The following FMN2 variants were observed in gnomAD, a reference collection of about 807,000 sequenced individuals.
The protein encoded by FMN2 is formin-2.
In FMN2, 51 loss-of-function variants were observed where a neutral mutation model predicts 142.3. That is an observed-to-expected ratio of 0.36 (90% CI 0.29 to 0.45). The LOEUF (loss-of-function observed/expected upper bound fraction) is 0.45, where lower values mean the gene tolerates loss of function less well. FMN2 is among the 20% of genes least tolerant of loss of function. The probability of loss-of-function intolerance (pLI) is 1.00; values close to 1 mark genes in which losing one functional copy is unlikely to be tolerated. For synonymous variants in FMN2, 882 were observed against 869.8 expected (o/e 1.01, Z -0.25); for missense variants, 1,936 against 2,122.8 (o/e 0.91, Z 1.73).
chr1:240,170,944 G>T, intron 2 of FMN2: 1 of 788,734 alleles, frequency 1.3e-6, no homozygotes, highest in Non-Finnish European at 2.3e-6. Context: ...TGAGCGGACT[G>T]ATGGAGGAGT....
intron 1 of FMN2, 144 bp downstream of exon 1, chr1:240,093,868 A>C (rs923940693): frequency 2.3e-5 from 12 of 520,898 alleles, no homozygotes; most frequent in Non-Finnish European, 3.3e-5. Context: ...TTTTCCGCCC[A>C]GCGAGCTCAC....
chr1:240,336,910 T>A (rs1392361234), intron 13 of FMN2, among the ~76,000 whole-genome samples: 1 of 152,078 alleles, frequency 6.6e-6, no homozygotes, highest in Non-Finnish European at 1.5e-5. Context: ...AATTTGGGGT[T>A]TTCCATGAAA....
chr1:240,407,012 C>T (rs928353115), intron 15 of FMN2, among the ~76,000 whole-genome samples: 6 of 152,110 alleles, frequency 3.9e-5, no homozygotes, highest in Non-Finnish European at 7.4e-5. Flanking sequence ...TTGTCTACTC[C>T]GGCATGCATC....
intron 13 of FMN2, chr1:240,341,537 A>G (rs1310013562): frequency 6.6e-6 from 1 of 152,188 alleles, no homozygotes; most frequent in Non-Finnish European, 1.5e-5. Flanking sequence ...TTTGTAAATA[A>G]AATTCAGTTG....
rs1668416399 is a variant in FMN2 at position 240,255,317 on chromosome 1, C to T, written c.4066-2628C>T. On this transcript the variant is annotated intron_variant, in intron 6 of 17. Coordinates refer to ENST00000319653, the MANE Select transcript of FMN2 (RefSeq NM_020066.5). ...TTTCAGTTCTTGTTTGTGGAGGAGG[C>T]GAGTACCAGGTGCCTCTAGTCAGCC... is the stretch of plus-strand genomic sequence containing the variant. Among the ~76,000 whole-genome samples, 2 of 152,048 alleles carry T rather than the reference C, an allele frequency of 1.3e-5. 1 individual carries two copies. The highest frequency in any genetic ancestry group is 1.3e-4 in the Admixed American group (2 of 15,270).
intron 6 of FMN2, among the ~76,000 whole-genome samples, chr1:240,226,460 G>A (rs1667303566): frequency 6.6e-6 from 1 of 152,156 alleles, no homozygotes; most frequent in Non-Finnish European, 1.5e-5. Context: ...GGAGACAAAA[G>A]ACAGACATTT....
chr1:240,407,725 G>A (rs1390801506), intron 15 of FMN2, among the ~76,000 whole-genome samples: 2 of 151,962 alleles, frequency 1.3e-5, no homozygotes, highest in Admixed American at 6.5e-5. Context: ...TATTTCAAAG[G>A]TCCAAGGTTT....
intron 2 of FMN2, among the ~76,000 whole-genome samples, chr1:240,150,405 A>G (rs1356538082): frequency 6.6e-6 from 1 of 152,238 alleles, no homozygotes; most frequent in Non-Finnish European, 1.5e-5. Context: ...TTAATTATGA[A>G]CAAGAAACAA....
Position 240,353,879 on chromosome 1 carries a change from A to G in FMN2, c.4766-1937A>G, listed in dbSNP as rs185134285. ...CTCATCCTGCTTGGAGACAAGTGGC[A>G]GGGAATGGAGAAAAGCAGGCCCTGT... On this transcript the variant is annotated intron_variant, in intron 13 of 17. Coordinates refer to ENST00000319653, the MANE Select transcript of FMN2 (RefSeq NM_020066.5). Among the ~76,000 whole-genome samples, 363 of 152,226 alleles carry G rather than the reference A, an allele frequency of 2.4e-3. 1 individual carries two copies. The highest frequency in any genetic ancestry group is 8.3e-3 in the African/African-American group (344 of 41,550).
At chr1:240,139,453 C>G (rs1331671239) in intron 2 of FMN2, among the ~76,000 whole-genome samples, 1 of 151,808 alleles carries the variant, frequency 6.6e-6, no homozygotes, top group South Asian at 2.1e-4. Context: ...GTAGATGATA[C>G]TTGAAGCCAT....
chr1:240,401,972 G>C (rs1425032461), intron 15 of FMN2, among the ~76,000 whole-genome samples: 1 of 152,202 alleles, frequency 6.6e-6, no homozygotes, highest in African/African-American at 2.4e-5. Context: ...CAGGGCTGTA[G>C]GAATATGGAG....
intron 2 of FMN2, among the ~76,000 whole-genome samples, chr1:240,126,335 T>C (rs1165040503): frequency 2.0e-5 from 3 of 152,008 alleles, no homozygotes; most frequent in Non-Finnish European, 4.4e-5. Context: ...GCTGTGGGAA[T>C]AATGTCATAA....
chr1:240,211,838 A>T (rs1402242935), intron 6 of FMN2, among the ~76,000 whole-genome samples: 1 of 152,130 alleles, frequency 6.6e-6, no homozygotes, highest in Non-Finnish European at 1.5e-5. Context: ...TTTCCAAGCA[A>T]TTTTTTTCTA....
At position 240,474,257 on chromosome 1, in the gene FMN2, T is replaced by C. The variant is rs1045646592; in HGVS notation, c.*103T>C. ...CTACCGTCATTCTGCTCATGTTTCT[T>C]CTTGACCTCTTGCATAATCTTTTTG... On this transcript the variant is annotated 3_prime_UTR_variant, in exon 18 of 18. Coordinates refer to ENST00000319653, the MANE Select transcript of FMN2 (RefSeq NM_020066.5). The C allele has an allele frequency of 9.6e-7, 1 of 1,038,714 alleles. No homozygotes were observed. Among genetic ancestry groups the C allele is most frequent in the Non-Finnish European group, 1.4e-6 (1 of 732,470 alleles). 64.3% of individuals were successfully genotyped at this position (1,038,714 alleles called of 1,614,324 possible). A position where few individuals can be genotyped will look rare whatever the true frequency, so the allele number is the denominator to read the frequency against.
intron 6 of FMN2, among the ~76,000 whole-genome samples, chr1:240,227,275 A>G (rs1420257697): frequency 1.3e-5 from 2 of 152,208 alleles, no homozygotes; most frequent in African/African-American, 4.8e-5. Flanking sequence ...TCTAGAAAGC[A>G]TTGTTGAAAG....
chr1:240,402,541 G>A (rs1674026726), intron 15 of FMN2, among the ~76,000 whole-genome samples: 1 of 152,260 alleles, frequency 6.6e-6, no homozygotes, highest in Non-Finnish European at 1.5e-5. Flanking sequence ...CACTGGGCAA[G>A]CCAAGCCATC....
intron 14 of FMN2, among the ~76,000 whole-genome samples, chr1:240,392,115 G>T (rs1256053227): frequency 2.1e-5 from 3 of 145,966 alleles, no homozygotes; most frequent in South Asian, 4.3e-4. Context: ...TCTGTTTAGG[G>T]TTTTTTTTTT....
rs561090753 is a variant in FMN2, at chr1:240,230,530, G to C, written c.4065+19295G>C. Among the ~76,000 whole-genome samples the C allele has an allele frequency of 1.5e-5, 2 of 131,916 alleles. 1 individual carries two copies. Among genetic ancestry groups the C allele is most frequent in the East Asian group, 4.5e-4 (2 of 4,478 alleles). 86.5% of individuals were successfully genotyped at this position (131,916 alleles called of 152,430 possible). A position where few individuals can be genotyped will look rare whatever the true frequency, so the allele number is the denominator to read the frequency against. On this transcript the variant is annotated intron_variant, in intron 6 of 17. Transcript: ENST00000319653. ...TGAGGTGTGTATTAGTAGGAATGTA[G>C]GCAAGGCTTTTCTTTAATTGATCCA...
At chr1:240,429,622 A>G (rs1191045099) in intron 15 of FMN2, among the ~76,000 whole-genome samples, 2 of 152,222 alleles carry the variant, frequency 1.3e-5, no homozygotes, top group Non-Finnish European at 2.9e-5. Flanking sequence ...ATTAGTCAAC[A>G]TAGATTAATT....
Sources: allele counts gnomAD v4.1 joint callset (sites outside exome capture counted in the v4.1 genomes callset), GRCh38; gene constraint gnomAD v4.1.1; transcripts MANE v1.5; gene names NCBI Gene and HGNC (gene_info 2026-07-23, HGNC 2026-07-21).